Variants in ASMTL observed in about 807,000 individuals in gnomAD.
ASMTL encodes probable bifunctional dTTP/UTP pyrophosphatase/methyltransferase protein.
In ASMTL, 57 loss-of-function variants were observed where a neutral mutation model predicts 60.3. That is an observed-to-expected ratio of 0.95 (90% CI 0.76 to 1.18). ASMTL has a LOEUF of 1.18. Among genes scored for constraint, ASMTL ranks in the 50% most tolerant of loss-of-function variants. ASMTL has a pLI of 0.00. For missense variants in ASMTL, 981 were observed against 852.6 expected (o/e 1.15, Z -1.88); for synonymous variants, 419 against 373.0 (o/e 1.12, Z -1.42).
At chrX:1,417,272 C>A (rs1357180955) in intron 11 of ASMTL, among the ~76,000 whole-genome samples, 1 of 148,536 alleles carries the variant, frequency 6.7e-6, no homozygotes, top group African/African-American at 2.5e-5. Flanking sequence ...CAGCACACAG[C>A]ATACACACAA....
chrX:1,412,934 C>T lies in ASMTL; in HGVS notation c.1523-80G>A, dbSNP rs1323787952. On this transcript the variant is annotated intron_variant, in intron 11 of 12. Coordinates refer to ENST00000381317, the MANE Select transcript of ASMTL (RefSeq NM_004192.4). ...CCCGGACAGATCCTGGGACGGCCAC[C>T]CGCATCCTAAATCAGGGACAGAGAA... The T allele has an allele frequency of 2.0e-6, 3 of 1,521,174 alleles. No individual in the cohort carries two copies. In the Admixed American group the frequency reaches 5.1e-5, roughly 26 times the overall value. 94.2% of individuals were successfully genotyped at this position (1,521,174 alleles called of 1,614,324 possible). A position where few individuals can be genotyped will look rare whatever the true frequency, so the allele number is the denominator to read the frequency against.
intron 12 of ASMTL, among the ~76,000 whole-genome samples, chrX:1,404,087 G>A (rs1272709328): frequency 1.3e-5 from 2 of 151,452 alleles, no homozygotes; most frequent in African/African-American, 4.9e-5. Context: ...GGTACATGAT[G>A]GGTAGGTAGG....
intron 6 of ASMTL, among the ~76,000 whole-genome samples, chrX:1,430,838 A>C (rs1468746769): frequency 1.4e-5 from 2 of 146,344 alleles, no homozygotes; most frequent in African/African-American, 5.0e-5. Context: ...AAATGTATTT[A>C]TATACATATA....
intron 1 of ASMTL, among the ~76,000 whole-genome samples, chrX:1,451,675 A>AGG (rs2091389999): frequency 9.8e-6 from 1 of 102,020 alleles, no homozygotes; most frequent in Non-Finnish European, 2.0e-5. Flanking sequence ...CCCCATTCCT[A>AGG]GGGGTCCCGG....
rs776267678 is a variant in ASMTL, at chrX:1,439,142, T to C, written c.228A>G (p.Lys76=). ...ALEVANRLYQ[K]DLRAPDVVIG... ...TGACCACGTCGGGGGCCCGCAGGTC[T>C]TTCTGTAAGAAAACCAGATTCCGGT... The change falls in exon 3 of 13, where the codon AAA becomes AAG. Residue 76 remains lysine, a splice_region_variant and synonymous_variant. Transcript: ENST00000381317. The C allele has an allele frequency of 9.3e-6, 15 of 1,614,024 alleles. No individual in the cohort carries two copies. The highest frequency in any genetic ancestry group is 1.7e-5 in the Admixed American group (1 of 60,020).
At chrX:1,404,789 A>G (rs779065330) in intron 12 of ASMTL, among the ~76,000 whole-genome samples, 119 of 151,938 alleles carry the variant, frequency 7.8e-4, no homozygotes, top group African/African-American at 2.7e-3. Context: ...GGATGGATAT[A>G]TGGATGTATG....
At chrX:1,433,875 G>C (rs1300596004) in intron 5 of ASMTL, among the ~76,000 whole-genome samples, 14 of 152,054 alleles carry the variant, frequency 9.2e-5, no homozygotes, top group Admixed American at 6.6e-4. Context: ...CCCCAAGCTG[G>C]GAAGGAAAGT....
intron 7 of ASMTL, 102 bp downstream of exon 7, chrX:1,427,632 G>C (rs2090646250): frequency 4.6e-6 from 6 of 1,314,900 alleles, no homozygotes; most frequent in Non-Finnish European, 6.3e-6. Flanking sequence ...CCTGACCTCA[G>C]ACTGCCAGCC....
rs779414028 is a variant in ASMTL at position 1,443,949 on chromosome X, C to T, written c.94-1632G>A. On this transcript the variant is annotated intron_variant, in intron 1 of 12. Transcript: ENST00000381317. Reference sequence around the variant, plus strand: ...CAGACACCCCCGTCTTGGACAGACACTGCCATGTTGGACACACACTTCCAT... The same window carrying T: ...CAGACACCCCCGTCTTGGACAGACATTGCCATGTTGGACACACACTTCCAT... Among the ~76,000 whole-genome samples, 5 of 152,366 alleles carry T rather than the reference C, an allele frequency of 3.3e-5. No homozygotes were observed. The East Asian group carries it at 9.6e-4, about 29-fold the overall frequency.
chrX:1,404,407 GGATGGATGGATGCAGGCATGGATGA>G (rs1483756578), intron 12 of ASMTL, among the ~76,000 whole-genome samples: 6 of 151,178 alleles, frequency 4.0e-5, no homozygotes, highest in African/African-American at 1.5e-4. Context: ...GTGGATGGAT[GGATGGATGGATGCAGGCATGGATGA>G]GATGGATGGA....
chrX:1,433,476 T>TG (rs1166563259), intron 5 of ASMTL, among the ~76,000 whole-genome samples: 1 of 129,480 alleles, frequency 7.7e-6, no homozygotes, highest in African/African-American at 2.9e-5. Flanking sequence ...CCCTCCTGGC[T>TG]ACCACGGTGA....
chrX:1,450,585 T>TC (rs1281244177), intron 1 of ASMTL, among the ~76,000 whole-genome samples: 6 of 47,096 alleles, frequency 1.3e-4, no homozygotes, highest in African/African-American at 3.7e-4. Flanking sequence ...CCCTAGGGGC[T>TC]CTGGGTCACT....
intron 2 of ASMTL, among the ~76,000 whole-genome samples, chrX:1,441,305 C>G (rs145659913): frequency 0.012 from 1,830 of 152,160 alleles, 42 homozygotes; most frequent in African/African-American, 0.042. Flanking sequence ...GAGACGAAGT[C>G]TTGCTCTGTT....
At chrX:1,452,090 CT>C (rs2091406741) in intron 1 of ASMTL, among the ~76,000 whole-genome samples, 1 of 147,294 alleles carries the variant, frequency 6.8e-6, no homozygotes, top group South Asian at 2.2e-4. Context: ...CCGGGTTACT[CT>C]CCCCTCCCCC....
chrX:1,421,650 T>TA lies in ASMTL; in HGVS notation c.1245+7dup. On this transcript the variant is annotated splice_region_variant and intron_variant, in intron 9 of 12. Coordinates refer to ENST00000381317, the MANE Select transcript of ASMTL (RefSeq NM_004192.4). ...GACGGAAAGGTGTCCGCGGGGGTGT[T>TA]ATGCTACCTGGAACAGATCTTCCGC... 1 of 1,613,856 alleles carries TA rather than the reference T, an allele frequency of 6.2e-7. No homozygotes were observed. The highest frequency in any genetic ancestry group is 8.5e-7 in the Non-Finnish European group (1 of 1,179,814).
Position 1,403,300 on chromosome X carries a change from T to G in ASMTL, c.1835A>C (p.Asp612Ala). 1 of 1,613,040 alleles carries G rather than the reference T, an allele frequency of 6.2e-7. No homozygotes were observed. Among genetic ancestry groups the G allele is most frequent in the Non-Finnish European group, 8.5e-7 (1 of 1,179,830 alleles). ...VQVVHLGGVLDAILATKVAP is the reference protein window; with the variant it reads ...VQVVHLGGVLAAILATKVAP ...GGCCACTTTGGTGGCCAAGATGGCA[T>G]CCAGGACACCCCCCAAGTGCACCAC... The change falls in exon 13 of 13, where the codon GAT becomes GCT. Residue 612 changes from aspartate (D) to alanine (A), a missense_variant. Physicochemically the swap from Asp to Ala is moderately radical, Grantham distance 126 (BLOSUM62 -2). Transcript: ENST00000381317.
At chrX:1,404,099 A>G (rs1267204222) in intron 12 of ASMTL, among the ~76,000 whole-genome samples, 2 of 149,268 alleles carry the variant, frequency 1.3e-5, no homozygotes, top group South Asian at 2.1e-4. Context: ...GTAGGTAGGA[A>G]GATGAATAGA....
intron 4 of ASMTL, 95 bp downstream of exon 4, chrX:1,435,597 CAG>C (rs2090941222): frequency 1.7e-6 from 2 of 1,188,070 alleles, no homozygotes; most frequent in Admixed American, 3.7e-5. Flanking sequence ...GCAGAGCTGA[CAG>C]AGATCCACCC....
intron 12 of ASMTL, among the ~76,000 whole-genome samples, chrX:1,410,951 C>G (rs2089994885): frequency 6.6e-6 from 1 of 151,658 alleles, no homozygotes; most frequent in Non-Finnish European, 1.5e-5. Context: ...TTTGGGAGTC[C>G]CAGCTGGGTG....
Sources: gnomAD v4.1 joint callset for allele counts (sites outside exome capture counted in the v4.1 genomes callset) on GRCh38, gnomAD v4.1.1 for gene constraint, MANE v1.5 for transcripts, NCBI Gene and HGNC (gene_info 2026-07-23, HGNC 2026-07-21) for gene names.